Variants in CAMKMT observed in about 807,000 individuals in gnomAD.
CAMKMT encodes CaM KMT.
CAMKMT carries 53 observed loss-of-function variants against 48.0 expected under a neutral mutation model. The observed-to-expected ratio is 1.10, with a 90% confidence interval of 0.89 to 1.39. The LOEUF is 1.39. Among genes scored for constraint, CAMKMT ranks in the 40% most tolerant of loss-of-function variants. The pLI, the probability that CAMKMT is intolerant of heterozygous loss-of-function variation, is 0.00. For missense variants in CAMKMT, 428 were observed against 402.7 expected (o/e 1.06, Z -0.54); for synonymous variants, 165 against 152.3 (o/e 1.08, Z -0.61).
In CAMKMT at chr2:44,699,483, G is replaced by A. The variant is rs141739879; in HGVS notation, c.377-4800G>A. 2.2e-4 allele frequency among the ~76,000 whole-genome samples: 33 copies of A among 152,296 alleles called. No individual in the cohort carries two copies. The East Asian group carries it at 6.2e-3, about 28-fold the overall frequency. ...GCTTTTTTCGGAGCAGTAGGTCTTA[G>A]CAGTGAGCTTAAAATATTCAGTAAA... On this transcript the variant is annotated intron_variant, in intron 3 of 10. Transcript: ENST00000378494.
At chr2:44,664,201 T>C (rs1026279254) in intron 3 of CAMKMT, among the ~76,000 whole-genome samples, 3 of 152,242 alleles carry the variant, frequency 2.0e-5, no homozygotes, top group African/African-American at 7.2e-5. Context: ...ATACATTTAG[T>C]TGCCAAGTAA....
chr2:44,606,947 T>G (rs779040225), intron 3 of CAMKMT, among the ~76,000 whole-genome samples: 30 of 152,166 alleles, frequency 2.0e-4, no homozygotes, highest in Non-Finnish European at 3.1e-4. Context: ...TCATTGAAGC[T>G]CAGGCTGCTT....
chr2:44,465,469 G>A (rs565937122), intron 3 of CAMKMT, among the ~76,000 whole-genome samples: 2 of 151,794 alleles, frequency 1.3e-5, no homozygotes, highest in South Asian at 2.1e-4. Flanking sequence ...GGTGGCGCAT[G>A]CCTGTACTCC....
chr2:44,680,858 A>G (rs1446283958), intron 3 of CAMKMT, among the ~76,000 whole-genome samples: 1 of 152,144 alleles, frequency 6.6e-6, no homozygotes, highest in Non-Finnish European at 1.5e-5. Flanking sequence ...GAGGAGGGTA[A>G]AAAGTATGCG....
At chr2:44,423,357 T>G (rs1460591866) in intron 3 of CAMKMT, among the ~76,000 whole-genome samples, 10 of 152,102 alleles carry the variant, frequency 6.6e-5, no homozygotes, top group Non-Finnish European at 1.3e-4. Flanking sequence ...TTTTTGTATT[T>G]GTAGTAGAGA....
In CAMKMT at chr2:44,523,708, A is replaced by G. The variant is rs547435732; in HGVS notation, c.376+133403A>G. 1.3e-4 allele frequency among the ~76,000 whole-genome samples: 19 copies of G among 150,008 alleles called. No individual in the cohort carries two copies. In the East Asian group the frequency reaches 1.6e-3, roughly 13 times the overall value. On this transcript the variant is annotated intron_variant, in intron 3 of 10. Transcript: ENST00000378494. ...TATAGAGTACCTGTATATGACCTCT[A>G]TGGGGCTTGGACTTCTTGCATGATT...
At chr2:44,619,596 A>G (rs1472056126) in intron 3 of CAMKMT, among the ~76,000 whole-genome samples, 1 of 152,172 alleles carries the variant, frequency 6.6e-6, no homozygotes, top group African/African-American at 2.4e-5. Context: ...CGACCCTCCA[A>G]AAGGCATGAA....
chr2:44,508,167 G>A (rs1268291256), intron 3 of CAMKMT, among the ~76,000 whole-genome samples: 1 of 152,146 alleles, frequency 6.6e-6, no homozygotes, highest in African/African-American at 2.4e-5. Context: ...GAGTAGCACT[G>A]GTATAGAGTG....
chr2:44,563,721 G>C (rs1481768677), intron 3 of CAMKMT, among the ~76,000 whole-genome samples: 3 of 152,090 alleles, frequency 2.0e-5, no homozygotes, highest in Admixed American at 6.5e-5. Flanking sequence ...AGAACATGCG[G>C]TGTTTGGTTT....
chr2:44,617,031 A>T (rs1277605685), intron 3 of CAMKMT, among the ~76,000 whole-genome samples: 1 of 152,204 alleles, frequency 6.6e-6, no homozygotes, highest in African/African-American at 2.4e-5. Flanking sequence ...TCCTTGTCAC[A>T]TGTGTCCTAC....
At position 44,372,792 on chromosome 2, in the gene CAMKMT, C is replaced by T; in HGVS notation, c.215C>T (p.Ser72Leu). ...AGATTTGAATCATTTAATCTGTTTT[C>T]AGTAACAGAAGGCAAAGAAAGGGAA... ...VRRFESFNLF[S>L]VTEGKERETE... The change falls in exon 2 of 11, where the codon TCA becomes TTA. Residue 72 changes from serine (S) to leucine (L), a missense_variant. By Grantham distance (145) the Ser-to-Leu change is moderately radical. Coordinates refer to ENST00000378494, the MANE Select transcript of CAMKMT (RefSeq NM_024766.5). 6.2e-7 allele frequency: 1 copy of T among 1,613,830 alleles called. No homozygotes were observed. The highest frequency in any genetic ancestry group is 8.5e-7 in the Non-Finnish European group (1 of 1,179,856).
At position 44,526,394 on chromosome 2, in the gene CAMKMT, G is replaced by A. The variant is rs547936778; in HGVS notation, c.376+136089G>A. Among the ~76,000 whole-genome samples, 15 of 152,288 alleles carry A rather than the reference G, an allele frequency of 9.8e-5. No homozygotes were observed. In the South Asian group the frequency reaches 3.1e-3, roughly 32 times the overall value. On this transcript the variant is annotated intron_variant, in intron 3 of 10. Transcript: ENST00000378494. ...ATATATAGATGGATATACAGAGAGA[G>A]ATTTATTATGAAGACTTGGCTCAGG...
chr2:44,468,047 C>G (rs1668221248), intron 3 of CAMKMT, among the ~76,000 whole-genome samples: 1 of 152,058 alleles, frequency 6.6e-6, no homozygotes, highest in Non-Finnish European at 1.5e-5. Context: ...ACAGAATAAA[C>G]AATCAACAGA....
At chr2:44,574,502 G>A (rs543856078) in intron 3 of CAMKMT, among the ~76,000 whole-genome samples, 1 of 152,124 alleles carries the variant, frequency 6.6e-6, no homozygotes, top group South Asian at 2.1e-4. Context: ...AATATCAAAG[G>A]TGCACTTGCA....
At chr2:44,439,802 T>C (rs926359906) in intron 3 of CAMKMT, among the ~76,000 whole-genome samples, 3 of 119,084 alleles carry the variant, frequency 2.5e-5, no homozygotes, top group Admixed American at 1.5e-4. Flanking sequence ...AATAAATAAA[T>C]AAATAAATAA....
At chr2:44,730,784 C>A (rs915274365) in intron 7 of CAMKMT, among the ~76,000 whole-genome samples, 10 of 152,184 alleles carry the variant, frequency 6.6e-5, no homozygotes, top group African/African-American at 2.2e-4. Context: ...ACACTGTAAA[C>A]ACTGTAAATG....
intron 7 of CAMKMT, among the ~76,000 whole-genome samples, chr2:44,733,726 ATAG>A (rs1341409075): frequency 6.6e-6 from 1 of 152,128 alleles, no homozygotes; most frequent in Admixed American, 6.5e-5. Context: ...GCTTGCTAAT[ATAG>A]TAGATTATAT....
At chr2:44,552,900 C>G (rs1335464356) in intron 3 of CAMKMT, among the ~76,000 whole-genome samples, 3 of 151,866 alleles carry the variant, frequency 2.0e-5, no homozygotes, top group Non-Finnish European at 4.4e-5. Flanking sequence ...AATCTTTGGA[C>G]AAATCAGCAA....
chr2:44,586,093 A>ACG (rs1310235441), intron 3 of CAMKMT, among the ~76,000 whole-genome samples: 21 of 152,326 alleles, frequency 1.4e-4, no homozygotes, highest in Non-Finnish European at 5.9e-5. Flanking sequence ...GTACAGAGGT[A>ACG]TGTACAGAGG....
Sources: gnomAD v4.1 joint callset for allele counts (sites outside exome capture counted in the v4.1 genomes callset) on GRCh38, gnomAD v4.1.1 for gene constraint, MANE v1.5 for transcripts, NCBI Gene and HGNC (gene_info 2026-07-23, HGNC 2026-07-21) for gene names.